Variants in GPC1 observed in about 807,000 individuals in gnomAD.
GPC1 encodes glypican-1.
A neutral mutation model predicts 51.5 loss-of-function variants in GPC1; 26 were observed. That is an observed-to-expected ratio of 0.50 (90% CI 0.37 to 0.70). GPC1 has a LOEUF of 0.70. GPC1 is among the 30% of genes least tolerant of loss of function. The pLI is 0.00. For missense variants in GPC1, 775 were observed against 800.5 expected, an observed-to-expected ratio of 0.97 and a Z score of 0.38; for synonymous variants, 380 against 348.3, an observed-to-expected ratio of 1.09 and a Z score of -1.01.
At chr2:240,436,135 C>A in intron 1 of GPC1, 51 bp downstream of exon 1, 1 of 1,182,078 alleles carries the variant, frequency 8.5e-7, no homozygotes, top group South Asian at 3.9e-5. Context: ...GCTTTGGGCT[C>A]CGGACCCTGG....
chr2:240,461,605 G>A (rs564102871), intron 2 of GPC1, among the ~76,000 whole-genome samples: 5 of 152,280 alleles, frequency 3.3e-5, no homozygotes, highest in African/African-American at 1.2e-4. Context: ...GCCCCCCAGA[G>A]CCCTCAGACA....
intron 1 of GPC1, chr2:240,449,802 G>T (rs13421123): frequency 1.1e-5 from 5 of 467,214 alleles, no homozygotes; most frequent in Non-Finnish European, 1.8e-5. Flanking sequence ...GAGTCTTGCC[G>T]TATCTGTCCT....
At chr2:240,450,474 A>G (rs887665722) in intron 1 of GPC1, 1 of 413,498 alleles carries the variant, frequency 2.4e-6, no homozygotes, top group Non-Finnish European at 5.1e-6. Flanking sequence ...TTAGCTCTCT[A>G]TGTGTCAGCT....
At chr2:240,445,630 C>T (rs1464506586) in intron 1 of GPC1, among the ~76,000 whole-genome samples, 4 of 152,118 alleles carry the variant, frequency 2.6e-5, no homozygotes, top group African/African-American at 7.2e-5. Context: ...TGTGGGTGCA[C>T]GGATGAGGTT....
Position 240,464,667 on chromosome 2 carries a change from G to C in GPC1, c.935G>C (p.Ser312Thr). The change falls in exon 5 of 9, where the codon AGT (serine) becomes ACT (threonine). Residue 312 changes from serine to threonine, a missense_variant. Physicochemically the swap from Ser to Thr is moderately conservative, Grantham distance 58 (BLOSUM62 1). Transcript: ENST00000264039. ...DKFWGTSGVE[S>T]VIGSVHTWLA... ...TTCTGGGGTACATCGGGTGTGGAGA[G>C]TGTCATCGGCAGCGTGCACACGTGG... The C allele has an allele frequency of 6.2e-7, 1 of 1,613,256 alleles. No homozygotes were observed. Among genetic ancestry groups the C allele is most frequent in the Non-Finnish European group, 8.5e-7 (1 of 1,179,908 alleles).
chr2:240,435,815 C>A lies in GPC1; in HGVS notation c.-104C>A. ...CCGCCTCTGGACCGCGAGCCGCGCGCGCCGGGACCTTGGCTCTGCCCTTCG... is the reference window on the plus strand; with the variant it reads ...CCGCCTCTGGACCGCGAGCCGCGCGAGCCGGGACCTTGGCTCTGCCCTTCG... On this transcript the variant is annotated 5_prime_UTR_variant, in exon 1 of 9. Coordinates refer to ENST00000264039, the MANE Select transcript of GPC1 (RefSeq NM_002081.3). 1 of 736,870 alleles carries A rather than the reference C, an allele frequency of 1.4e-6. No homozygotes were observed. Among genetic ancestry groups the A allele is most frequent in the Non-Finnish European group, 1.8e-6 (1 of 546,742 alleles). The allele number at this position is 736,870 out of a possible 1,614,324, so 45.6% of individuals were successfully genotyped here.
chr2:240,441,508 G>A (rs1020597067), intron 1 of GPC1, among the ~76,000 whole-genome samples: 4 of 152,232 alleles, frequency 2.6e-5, no homozygotes, highest in South Asian at 4.1e-4. Flanking sequence ...TCCTACATGC[G>A]GGGCCTCTGC....
rs991914645 is a variant in GPC1, at chr2:240,436,498, TGG to T, written c.166+417_166+418del. ...CCCGGGGCCGGCTGTCGGGGCGCTGTGGGGCTCGGCGTGGCCGGGCTTTCGGG... is the reference window on the plus strand; with the variant it reads ...CCCGGGGCCGGCTGTCGGGGCGCTGTGGCTCGGCGTGGCCGGGCTTTCGGG... On this transcript the variant is annotated intron_variant, in intron 1 of 8. Transcript: ENST00000264039. Among the ~76,000 whole-genome samples, 121 of 151,978 alleles carry T rather than the reference TGG, an allele frequency of 8.0e-4. 1 individual carries two copies. The highest frequency in any genetic ancestry group is 2.6e-3 in the African/African-American group (109 of 41,480).
intron 1 of GPC1, chr2:240,449,484 A>G (rs1429807384): frequency 2.4e-5 from 5 of 210,976 alleles, no homozygotes; most frequent in African/African-American, 6.9e-5. Flanking sequence ...TATGCCCTAC[A>G]TATTTAGTGT....
chr2:240,449,869 A>C (rs772082696), intron 1 of GPC1: 3 of 470,678 alleles, frequency 6.4e-6, no homozygotes, highest in Admixed American at 2.3e-5. Flanking sequence ...ACGCCGGAGC[A>C]TGTGTCAGAA....
At chr2:240,463,627 A>T in intron 4 of GPC1, 115 bp downstream of exon 4, 1 of 872,488 alleles carries the variant, frequency 1.1e-6, no homozygotes, top group Admixed American at 2.3e-5. Flanking sequence ...CTGATCAGGG[A>T]TGCCCTGACC....
intron 1 of GPC1, among the ~76,000 whole-genome samples, chr2:240,437,844 C>G (rs1198666295): frequency 6.6e-6 from 1 of 152,226 alleles, no homozygotes; most frequent in Non-Finnish European, 1.5e-5. Flanking sequence ...GCCAACCTAA[C>G]CTTCCTTGCA....
intron 4 of GPC1, 124 bp downstream of exon 4, chr2:240,463,636 C>T (rs2074236080): frequency 1.3e-6 from 1 of 785,566 alleles, no homozygotes. Context: ...GATGCCCTGA[C>T]CCGGGCCAGA....
intron 1 of GPC1, among the ~76,000 whole-genome samples, chr2:240,447,208 G>A (rs1225923263): frequency 6.6e-6 from 1 of 152,142 alleles, no homozygotes; most frequent in Non-Finnish European, 1.5e-5. Flanking sequence ...GGTCTGAGTC[G>A]AAATTGAGGT....
intron 1 of GPC1, among the ~76,000 whole-genome samples, chr2:240,444,146 G>A (rs550809302): frequency 3.3e-5 from 5 of 152,252 alleles, no homozygotes; most frequent in African/African-American, 1.2e-4. Flanking sequence ...GACACACACC[G>A]CAGGAGGGCC....
chr2:240,451,285 A>G (rs2074097669), intron 1 of GPC1: 1 of 470,610 alleles, frequency 2.1e-6, no homozygotes, highest in Non-Finnish European at 4.4e-6. Context: ...GTCTTTGTGG[A>G]CTGGAATGTG....
At chr2:240,466,007 A>G (rs1348711945) in intron 8 of GPC1, 51 bp from the exon 9 acceptor site, 3 of 1,176,226 alleles carry the variant, frequency 2.6e-6, no homozygotes, top group Non-Finnish European at 3.8e-6. Context: ...GTGGTGCTGC[A>G]CTGGGGTCTC....
intron 1 of GPC1, among the ~76,000 whole-genome samples, chr2:240,439,049 G>A (rs908646662): frequency 8.5e-5 from 13 of 152,218 alleles, no homozygotes; most frequent in African/African-American, 3.1e-4. Flanking sequence ...TTGTGTCTGG[G>A]CATAGGTGTT....
Position 240,466,479 on chromosome 2 carries a change from T to A in GPC1, c.*189T>A. 1 of 580,506 alleles carries A rather than the reference T, an allele frequency of 1.7e-6. No individual in the cohort carries two copies. The highest frequency in any genetic ancestry group is 2.8e-5 in the East Asian group (1 of 35,600). 36.0% of individuals were successfully genotyped at this position (580,506 alleles called of 1,614,324 possible). A position where few individuals can be genotyped will look rare whatever the true frequency, so the allele number is the denominator to read the frequency against. The stretch of plus-strand genomic sequence containing the variant: ...TCGCCTGCCTTTCTGCCTTTTAATT[T>A]TGTATGAGGTCCTCAGGTCAGCTGG... On this transcript the variant is annotated 3_prime_UTR_variant, in exon 9 of 9. Transcript: ENST00000264039.
Sources: allele counts gnomAD v4.1 joint callset (sites outside exome capture counted in the v4.1 genomes callset), GRCh38; gene constraint gnomAD v4.1.1; transcripts MANE v1.5; gene names NCBI Gene and HGNC (gene_info 2026-07-23, HGNC 2026-07-21).